Variants in STPG2 observed in about 807,000 individuals in gnomAD.
The protein encoded by STPG2 is sperm tail PG-rich repeat containing 2.
In STPG2, 56 loss-of-function variants were observed where a neutral mutation model predicts 54.2. The ratio of observed to expected loss-of-function variants is 1.03; its 90% CI spans 0.83 to 1.29. The LOEUF (loss-of-function observed/expected upper bound fraction) is 1.29. Ranked by LOEUF, STPG2 falls within the 50% of genes most tolerant of loss-of-function variation. The pLI is 0.00. For missense variants in STPG2, 596 were observed against 544.9 expected, an observed-to-expected ratio of 1.09 and a Z score of -0.93; for synonymous variants, 200 against 181.8, an observed-to-expected ratio of 1.10 and a Z score of -0.81.
chr4:97,921,303 C>A (rs1732096847), intron 8 of STPG2, among the ~76,000 whole-genome samples: 1 of 152,072 alleles, frequency 6.6e-6, no homozygotes, highest in African/African-American at 2.4e-5. Context: ...TTCCTGCAGA[C>A]TCATAGTCCA....
chr4:97,864,026 G>C (rs1012949505), intron 8 of STPG2, among the ~76,000 whole-genome samples: 1 of 152,138 alleles, frequency 6.6e-6, no homozygotes, highest in Non-Finnish European at 1.5e-5. Flanking sequence ...CATTCCCTTT[G>C]AAAACTGGCA....
chr4:97,793,992 C>T (rs1421752679), intron 9 of STPG2, among the ~76,000 whole-genome samples: 1 of 151,942 alleles, frequency 6.6e-6, no homozygotes. Context: ...TTAAAAAATG[C>T]ATGGCTTGGA....
At chr4:97,593,455 A>AG (rs1733198050) in intron 10 of STPG2, among the ~76,000 whole-genome samples, 2 of 152,148 alleles carry the variant, frequency 1.3e-5, no homozygotes, top group South Asian at 4.1e-4. Flanking sequence ...ATTCTTGCCT[A>AG]GCTATGCCAC....
At chr4:98,006,633 A>T (rs1273005363) in intron 5 of STPG2, among the ~76,000 whole-genome samples, 1 of 152,204 alleles carries the variant, frequency 6.6e-6, no homozygotes, top group South Asian at 2.1e-4. Context: ...TATGGATTCC[A>T]GCTGTGACAC....
intron 8 of STPG2, among the ~76,000 whole-genome samples, chr4:97,874,263 A>G (rs1730097284): frequency 6.6e-6 from 1 of 151,700 alleles, no homozygotes; most frequent in South Asian, 2.1e-4. Context: ...TATCATTTCA[A>G]TAACTTATTT....
chr4:97,887,446 C>T (rs1289531206), intron 8 of STPG2, among the ~76,000 whole-genome samples: 1 of 152,082 alleles, frequency 6.6e-6, no homozygotes, highest in Non-Finnish European at 1.5e-5. Flanking sequence ...TTTCATTGTG[C>T]CTCTTCCCTA....
intron 10 of STPG2, among the ~76,000 whole-genome samples, chr4:97,627,475 T>G (rs957510315): frequency 2.0e-5 from 3 of 152,142 alleles, no homozygotes; most frequent in African/African-American, 7.2e-5. Flanking sequence ...CTTAACATAC[T>G]TAAGCTATAT....
intron 8 of STPG2, among the ~76,000 whole-genome samples, chr4:97,904,199 T>C (rs1043580806): frequency 7.9e-5 from 12 of 152,198 alleles, no homozygotes; most frequent in African/African-American, 2.9e-4. Flanking sequence ...TAAATGTCCC[T>C]GTCTAACAGC....
At chr4:98,085,041 C>T (rs1452456019) in intron 5 of STPG2, among the ~76,000 whole-genome samples, 1 of 152,010 alleles carries the variant, frequency 6.6e-6, no homozygotes, top group Non-Finnish European at 1.5e-5. Context: ...CAAAATTGTA[C>T]AGATTTTCTC....
At chr4:97,614,833 C>G (rs1733819210) in intron 10 of STPG2, among the ~76,000 whole-genome samples, 1 of 152,098 alleles carries the variant, frequency 6.6e-6, no homozygotes, top group Non-Finnish European at 1.5e-5. Flanking sequence ...AGTTTTTGCT[C>G]AACTTTAATG....
intron 8 of STPG2, among the ~76,000 whole-genome samples, chr4:97,876,719 G>A (rs1157810818): frequency 6.6e-6 from 1 of 151,772 alleles, no homozygotes; most frequent in Non-Finnish European, 1.5e-5. Flanking sequence ...TGAAACAATA[G>A]AATGCATAAA....
intron 8 of STPG2, among the ~76,000 whole-genome samples, chr4:97,923,245 G>T (rs1477573141): frequency 2.6e-5 from 4 of 152,242 alleles, no homozygotes; most frequent in East Asian, 1.9e-4. Flanking sequence ...CCTGCGGGGG[G>T]GTGTGGAGAG....
chr4:97,832,905 G>T (rs1728511953), intron 9 of STPG2, among the ~76,000 whole-genome samples: 2 of 152,136 alleles, frequency 1.3e-5, no homozygotes, highest in South Asian at 4.1e-4. Flanking sequence ...TGGATAGGAA[G>T]AATCAGTATC....
intron 5 of STPG2, among the ~76,000 whole-genome samples, chr4:98,065,396 T>G (rs1354059926): frequency 6.6e-6 from 1 of 152,088 alleles, no homozygotes; most frequent in African/African-American, 2.4e-5. Flanking sequence ...AAATAAAATC[T>G]TTTTTCTATA....
chr4:97,760,812 T>C (rs927328335), intron 9 of STPG2, among the ~76,000 whole-genome samples: 5 of 152,154 alleles, frequency 3.3e-5, no homozygotes, highest in African/African-American at 1.2e-4. Flanking sequence ...AGGTCAGAAA[T>C]GGAAATGGGT....
chr4:97,546,672 C>A lies in STPG2; in HGVS notation c.462+166027G>T, dbSNP rs563388385. 1.3e-3 allele frequency among the ~76,000 whole-genome samples: 197 copies of A among 152,198 alleles called. 1 individual carries two copies. The highest frequency in any genetic ancestry group is 4.4e-3 in the African/African-American group (183 of 41,538). On this transcript the variant is annotated intron_variant, in intron 4 of 4. Coordinates refer to the STPG2 transcript ENST00000522676. ...ATTTGCATCCAATGTTGCTAAAAAA[C>A]ACTTTTAAAAATTCATGAACCAAAT...
At chr4:97,546,824 T>C (rs896438770) in intron 4 of STPG2, among the ~76,000 whole-genome samples, 2 of 152,164 alleles carry the variant, frequency 1.3e-5, no homozygotes, top group Non-Finnish European at 1.5e-5. Context: ...ACTAAACTGA[T>C]GAACAGAAAA....
chr4:97,856,212 T>C (rs1470957281), intron 8 of STPG2, among the ~76,000 whole-genome samples: 1 of 152,190 alleles, frequency 6.6e-6, no homozygotes, highest in Non-Finnish European at 1.5e-5. Context: ...AGAATGTCAA[T>C]GGTGGTTTAA....
At chr4:97,928,245 C>T (rs189094630) in intron 8 of STPG2, among the ~76,000 whole-genome samples, 2 of 152,268 alleles carry the variant, frequency 1.3e-5, no homozygotes, top group Admixed American at 6.5e-5. Context: ...AATGCCCTTA[C>T]GGTGAAAGTT....
Sources: allele counts gnomAD v4.1 joint callset (sites outside exome capture counted in the v4.1 genomes callset), GRCh38; gene constraint gnomAD v4.1.1; transcripts MANE v1.5; gene names NCBI Gene and HGNC (gene_info 2026-07-23, HGNC 2026-07-21).